The following C1GALT1 variants were observed in gnomAD, a reference collection of about 807,000 sequenced individuals.
C1GALT1 encodes core 1 synthase, glycoprotein-N-acetylgalactosamine 3-beta-galactosyltransferase 1, also known as glycoprotein-N-acetylgalactosamine 3-beta-galactosyltransferase 1.
C1GALT1 carries 11 observed loss-of-function variants against 31.0 expected under a neutral mutation model. The observed-to-expected ratio is 0.36, with a 90% confidence interval of 0.22 to 0.59. The LOEUF (loss-of-function observed/expected upper bound fraction) is 0.59. Among genes scored for constraint, C1GALT1 ranks in the 20% least tolerant of loss-of-function variants. C1GALT1 has a pLI of 0.79. For synonymous variants in C1GALT1, 175 were observed against 143.6 expected, an observed-to-expected ratio of 1.22 and a Z score of -1.56; for missense variants, 424 against 425.2, an observed-to-expected ratio of 1.00 and a Z score of 0.03.
upstream of C1GALT1, chr7:7,178,382 G>C (rs1485189918): frequency 4.6e-6 from 1 of 217,612 alleles, no homozygotes; most frequent in Non-Finnish European, 9.9e-6. Context: ...AAGCCCTCTG[G>C]GCAAATTTGT....
At chr7:7,210,116 A>G (rs11763876) in intron 1 of C1GALT1, among the ~76,000 whole-genome samples, 13,121 of 152,174 alleles carry the variant, frequency 0.086, 807 homozygotes, top group East Asian at 0.21. Context: ...GTCACAGGGG[A>G]TATGATGGCT....
chr7:7,203,120 G>A (rs1263261045), intron 1 of C1GALT1, among the ~76,000 whole-genome samples: 1 of 140,366 alleles, frequency 7.1e-6, no homozygotes. Context: ...AATCTTTAGG[G>A]TTCCCTGCAT....
At chr7:7,177,960 AATCAGTG>A (rs1780522824), upstream of C1GALT1, 1 of 209,700 alleles carries the variant, frequency 4.8e-6, no homozygotes, top group South Asian at 8.5e-5. Flanking sequence ...TCATCCAGCT[AATCAGTG>A]ATAAAACTGG....
At chr7:7,212,238 T>G (rs1278444005) in intron 1 of C1GALT1, among the ~76,000 whole-genome samples, 1 of 152,166 alleles carries the variant, frequency 6.6e-6, no homozygotes, top group East Asian at 1.9e-4. Flanking sequence ...GTGACGTTCT[T>G]TACTGACCAC....
chr7:7,181,017 C>A (rs894520280), upstream of C1GALT1, among the ~76,000 whole-genome samples: 3 of 151,958 alleles, frequency 2.0e-5, no homozygotes, highest in Admixed American at 6.6e-5. Flanking sequence ...CTGTGGCTGA[C>A]CTTATTTTAG....
chr7:7,176,855 T>C (rs922586506), intron 2 of C1GALT1, among the ~76,000 whole-genome samples: 1 of 152,136 alleles, frequency 6.6e-6, no homozygotes, highest in African/African-American at 2.4e-5. Flanking sequence ...CAGGGTGGCA[T>C]TGTCAGGTAT....
rs939787596 is a variant in C1GALT1 at position 7,247,727 on chromosome 7, C to T, written c.*4000C>T. On this transcript the variant is annotated 3_prime_UTR_variant, in exon 4 of 4. Transcript: ENST00000436587. ...CAGTTTCTGCCTGGTGTTTATTGCC[C>T]TTCTTTGTTTGCTTTATTACTAACT... 6.6e-6 allele frequency: 1 copy of T among 151,952 alleles called. No individual in the cohort carries two copies. The highest frequency in any genetic ancestry group is 2.4e-5 in the African/African-American group (1 of 41,400). 9.4% of individuals were successfully genotyped at this position (151,952 alleles called of 1,614,324 possible).
chr7:7,202,806 CTT>C (rs928000749), intron 1 of C1GALT1, among the ~76,000 whole-genome samples: 7 of 152,128 alleles, frequency 4.6e-5, no homozygotes, highest in Non-Finnish European at 8.8e-5. Flanking sequence ...CTGTAGGTCA[CTT>C]TGGATAGTAT....
chr7:7,202,498 T>C (rs1441458502), intron 1 of C1GALT1, among the ~76,000 whole-genome samples: 1 of 152,240 alleles, frequency 6.6e-6, no homozygotes, highest in Non-Finnish European at 1.5e-5. Flanking sequence ...TCCCATTGAA[T>C]GGTCTTGGCT....
At chr7:7,214,636 G>A (rs942041049) in intron 1 of C1GALT1, among the ~76,000 whole-genome samples, 4 of 152,182 alleles carry the variant, frequency 2.6e-5, no homozygotes, top group Admixed American at 2.0e-4. Flanking sequence ...ACTCAACTGA[G>A]GGTGTACAGA....
At chr7:7,190,950 A>G (rs1022715580) in intron 1 of C1GALT1, among the ~76,000 whole-genome samples, 1 of 152,068 alleles carries the variant, frequency 6.6e-6, no homozygotes, top group Non-Finnish European at 1.5e-5. Context: ...TATCATTGAT[A>G]CCTTTTTTTT....
chr7:7,219,839 T>C (rs1393257421), intron 1 of C1GALT1, among the ~76,000 whole-genome samples: 2 of 152,176 alleles, frequency 1.3e-5, no homozygotes, highest in Non-Finnish European at 2.9e-5. Flanking sequence ...GAATTGTATA[T>C]GAAATTGTTG....
At chr7:7,173,964 T>C (rs1780479562) in intron 2 of C1GALT1, among the ~76,000 whole-genome samples, 1 of 152,038 alleles carries the variant, frequency 6.6e-6, no homozygotes, top group South Asian at 2.1e-4. Flanking sequence ...ACAACAGAAA[T>C]TTACTTTCTC....
intron 2 of C1GALT1, among the ~76,000 whole-genome samples, chr7:7,170,890 T>C (rs984099258): frequency 6.6e-6 from 1 of 152,236 alleles, no homozygotes; most frequent in African/African-American, 2.4e-5. Flanking sequence ...TTTGGTAGTG[T>C]GTAGTTTAAT....
chr7:7,184,823 C>T (rs988538085), intron 1 of C1GALT1, among the ~76,000 whole-genome samples: 6 of 152,186 alleles, frequency 3.9e-5, no homozygotes, highest in African/African-American at 2.4e-5. Context: ...TGATTAAAGA[C>T]GCTGATGTAC....
chr7:7,183,788 C>T (rs543401565), intron 1 of C1GALT1, among the ~76,000 whole-genome samples: 1 of 151,606 alleles, frequency 6.6e-6, no homozygotes, highest in South Asian at 2.1e-4. Context: ...GTACATACTA[C>T]TGTATTTCCT....
rs144418259 is a variant in C1GALT1 at position 7,184,931 on chromosome 7, C to T, written c.-18+2111C>T. On this transcript the variant is annotated intron_variant, in intron 1 of 3. Coordinates refer to ENST00000436587, the MANE Select transcript of C1GALT1 (RefSeq NM_020156.5). The stretch of plus-strand genomic sequence containing the variant: ...CTTTTAAAAGAAGAAAGGTGGGGAG[C>T]GGGAAGGAGACTTGTTCCATAAAAT... Among the ~76,000 whole-genome samples the T allele has an allele frequency of 5.7e-3, 866 of 152,172 alleles. 11 individuals carry two copies. The highest frequency in any genetic ancestry group is 0.034 in the Middle Eastern group (10 of 294).
At chr7:7,201,955 C>A (rs1781547532) in intron 1 of C1GALT1, among the ~76,000 whole-genome samples, 1 of 152,198 alleles carries the variant, frequency 6.6e-6, no homozygotes, top group Non-Finnish European at 1.5e-5. Flanking sequence ...GGCAGCTCTC[C>A]CCAAGGGCCT....
intron 1 of C1GALT1, among the ~76,000 whole-genome samples, chr7:7,202,277 T>C (rs1781558722): frequency 6.6e-6 from 1 of 152,192 alleles, no homozygotes; most frequent in African/African-American, 2.4e-5. Flanking sequence ...CCCGTGGTAG[T>C]AGTTCTTCGA....
Sources: gnomAD v4.1 joint callset for allele counts (sites outside exome capture counted in the v4.1 genomes callset) on GRCh38, gnomAD v4.1.1 for gene constraint, MANE v1.5 for transcripts, NCBI Gene and HGNC (gene_info 2026-07-23, HGNC 2026-07-21) for gene names.